The following CTXN2 variants were observed in gnomAD, a reference collection of about 807,000 sequenced individuals.
The protein encoded by CTXN2 is cortexin 2, also known as cortexin-2.
In CTXN2, 3 loss-of-function variants were observed where a neutral mutation model predicts 5.7. The observed-to-expected ratio is 0.53, with a 90% CI of 0.24 to 1.36. CTXN2 has a LOEUF of 1.36. Ranked by LOEUF, CTXN2 falls within the 40% of genes most tolerant of loss-of-function variation. The pLI, the probability that CTXN2 is intolerant of heterozygous loss-of-function variation, is 0.17. For synonymous variants in CTXN2, 38 were observed against 36.4 expected (o/e 1.04, Z -0.16); for missense variants, 87 against 93.0 (o/e 0.94, Z 0.26).
At chr15:48,191,278 A>C (rs1324935430), upstream of CTXN2, among the ~76,000 whole-genome samples, 1 of 152,252 alleles carries the variant, frequency 6.6e-6, no homozygotes, top group East Asian at 1.9e-4. Context: ...TGCCCGCAGC[A>C]CAGCCAGGAA....
At chr15:48,185,508 G>A (rs1030295434) in intron 1 of CTXN2, among the ~76,000 whole-genome samples, 4 of 151,898 alleles carry the variant, frequency 2.6e-5, no homozygotes, top group African/African-American at 9.7e-5. Flanking sequence ...AAATTATGTT[G>A]GAGAAAAAAG....
At chr15:48,184,840 C>T (rs2040732740) in intron 1 of CTXN2, among the ~76,000 whole-genome samples, 1 of 152,164 alleles carries the variant, frequency 6.6e-6, no homozygotes, top group Non-Finnish European at 1.5e-5. Context: ...CAAAAGCCTG[C>T]ACACAAATAT....
intron 1 of CTXN2, chr15:48,192,175 A>G (rs2040830535): frequency 4.9e-6 from 1 of 202,998 alleles, no homozygotes; most frequent in Non-Finnish European, 1.0e-5. Context: ...TTTAGTGCGT[A>G]GAAAGAGACC....
At chr15:48,179,567 C>T (rs1481034534) in intron 1 of CTXN2, among the ~76,000 whole-genome samples, 1 of 152,166 alleles carries the variant, frequency 6.6e-6, no homozygotes, top group Non-Finnish European at 1.5e-5. Flanking sequence ...TTGTGACAGA[C>T]AAAATCTGGG....
upstream of CTXN2, among the ~76,000 whole-genome samples, chr15:48,191,303 C>A (rs188607123): frequency 4.6e-5 from 7 of 152,240 alleles, no homozygotes; most frequent in East Asian, 1.3e-3. Flanking sequence ...GCAAAGAGAG[C>A]AAAACAAGGA....
intron 1 of CTXN2, among the ~76,000 whole-genome samples, chr15:48,196,873 G>T (rs762437670): frequency 6.6e-6 from 1 of 151,756 alleles, no homozygotes; most frequent in Non-Finnish European, 1.5e-5. Flanking sequence ...CTTACCTCTG[G>T]CAGCTTTTTC....
Position 48,191,730 on chromosome 15 carries a change from C to T in CTXN2, c.-181C>T, listed in dbSNP as rs770639363. 6.6e-6 allele frequency: 3 copies of T among 456,066 alleles called. No individual in the cohort carries two copies. Among genetic ancestry groups the T allele is most frequent in the South Asian group, 4.6e-5 (3 of 64,556 alleles). The allele number at this position is 456,066 out of a possible 1,614,324, so 28.3% of individuals were successfully genotyped here. ...GAAAGCGCTAACCAGGGCCCTGTGA[C>T]TCTACGCAGGTTCCAGAACACGCCT... On this transcript the variant is annotated 5_prime_UTR_variant, in exon 1 of 2. Transcript: ENST00000417307.
chr15:48,197,930 A>G (rs145067457), intron 1 of CTXN2, among the ~76,000 whole-genome samples: 387 of 152,222 alleles, frequency 2.5e-3, no homozygotes, highest in Non-Finnish European at 3.0e-3. Context: ...GTAACAGTCA[A>G]GTAATGTAGA....
At position 48,191,773 on chromosome 15, in the gene CTXN2, A is replaced by C; in HGVS notation, c.-138A>C. On this transcript the variant is annotated 5_prime_UTR_variant, in exon 1 of 2. Coordinates refer to ENST00000417307, the MANE Select transcript of CTXN2 (RefSeq NM_001145668.2). ...ACACGCCTTCTACATTTGTTACTGA[A>C]CCGATCAGCGAACACAGACAAACGT... The C allele has an allele frequency of 2.2e-6, 1 of 455,980 alleles. No individual in the cohort carries two copies. The highest frequency in any genetic ancestry group is 4.4e-6 in the Non-Finnish European group (1 of 226,794). 28.2% of individuals were successfully genotyped at this position (455,980 alleles called of 1,614,324 possible). A position where few individuals can be genotyped will look rare whatever the true frequency, so the allele number is the denominator to read the frequency against.
upstream of CTXN2, chr15:48,191,350 G>C (rs559366304): frequency 2.0e-4 from 35 of 179,242 alleles, no homozygotes; most frequent in African/African-American, 8.0e-4. Flanking sequence ...CACTGCCTTA[G>C]TAAACAAAGA....
chr15:48,188,430 T>C (rs1157416038), upstream of CTXN2, among the ~76,000 whole-genome samples: 1 of 152,136 alleles, frequency 6.6e-6, no homozygotes, highest in African/African-American at 2.4e-5. Context: ...ATTAAACTGG[T>C]ATTGAAAGAA....
At chr15:48,191,646 G>A (rs753124994), upstream of CTXN2, 2 of 445,968 alleles carry the variant, frequency 4.5e-6, no homozygotes, top group South Asian at 1.6e-5. Context: ...ACGTACTTCG[G>A]CGGGCGCCCA....
chr15:48,185,064 G>A (rs12902153), intron 1 of CTXN2, among the ~76,000 whole-genome samples: 148,148 of 152,256 alleles, frequency 0.97, 72,209 homozygotes, highest in Middle Eastern at 1. Flanking sequence ...AACAGAGTCT[G>A]TATGACTCTA....
At chr15:48,186,355 T>A (rs986361905) in intron 1 of CTXN2, among the ~76,000 whole-genome samples, 1 of 152,192 alleles carries the variant, frequency 6.6e-6, no homozygotes, top group Non-Finnish European at 1.5e-5. Flanking sequence ...CAGCATTAGA[T>A]CATTAACTAC....
intron 1 of CTXN2, among the ~76,000 whole-genome samples, chr15:48,197,337 T>C (rs1046483433): frequency 1.3e-5 from 2 of 152,108 alleles, no homozygotes; most frequent in African/African-American, 4.8e-5. Context: ...AAAGGAGTGC[T>C]GCTTATCCAC....
At chr15:48,184,149 A>G (rs2040726190) in intron 1 of CTXN2, among the ~76,000 whole-genome samples, 1 of 152,164 alleles carries the variant, frequency 6.6e-6, no homozygotes, top group Admixed American at 6.5e-5. Flanking sequence ...TTTATTTTAT[A>G]CTGACTTTTA....
rs2040939295 is a variant in CTXN2 at position 48,202,856 on chromosome 15, C to G, written c.*1310C>G. 1 of 165,176 alleles carries G rather than the reference C, an allele frequency of 6.1e-6. No homozygotes were observed. Among genetic ancestry groups the G allele is most frequent in the Non-Finnish European group, 1.5e-5 (1 of 68,098 alleles). The allele number at this position is 165,176 out of a possible 1,614,324, so 10.2% of individuals were successfully genotyped here. ...TCTTTCCAACTACAAACTTCTGACT[C>G]TCTATGAGTCAGAATGGAGGAACAT... On this transcript the variant is annotated 3_prime_UTR_variant, in exon 2 of 2. Transcript: ENST00000417307.
rs1032205791 is a variant in CTXN2 at position 48,203,595 on chromosome 15, G to A, written c.*2049G>A. 1.2e-5 allele frequency: 2 copies of A among 166,258 alleles called. No individual in the cohort carries two copies. The highest frequency in any genetic ancestry group is 4.9e-5 in the African/African-American group (2 of 41,192). 10.3% of individuals were successfully genotyped at this position (166,258 alleles called of 1,614,324 possible). ...ATTTTGATGACTAGAACAAACCAAG[G>A]CCAGATCTTTATTTCAAAGGAAGAA... On this transcript the variant is annotated 3_prime_UTR_variant, in exon 2 of 2. Coordinates refer to ENST00000417307, the MANE Select transcript of CTXN2 (RefSeq NM_001145668.2).
chr15:48,181,261 G>A (rs998263568), intron 1 of CTXN2, among the ~76,000 whole-genome samples: 6 of 152,180 alleles, frequency 3.9e-5, no homozygotes, highest in Non-Finnish European at 7.3e-5. Flanking sequence ...GTGAAGTCAG[G>A]TTCCTGCTAC....
Sources: gnomAD v4.1 joint callset for allele counts (sites outside exome capture counted in the v4.1 genomes callset) on GRCh38, gnomAD v4.1.1 for gene constraint, MANE v1.5 for transcripts, NCBI Gene and HGNC (gene_info 2026-07-23, HGNC 2026-07-21) for gene names.